Variants in CTIF observed in about 807,000 individuals in gnomAD.
The protein encoded by CTIF is CBP80/20-dependent translation initiation factor.
In CTIF, 21 loss-of-function variants were observed where a neutral mutation model predicts 66.0. The ratio of observed to expected loss-of-function variants is 0.32; its 90% CI spans 0.23 to 0.46. The LOEUF is 0.46. Ranked by LOEUF, CTIF falls within the 20% of genes least tolerant of loss-of-function variation. CTIF has a pLI of 1.00. For synonymous variants in CTIF, 345 were observed against 326.4 expected (o/e 1.06, Z -0.62); for missense variants, 739 against 812.7 (o/e 0.91, Z 1.10).
chr18:48,779,674 G>C (rs1364207516), intron 9 of CTIF, among the ~76,000 whole-genome samples: 1 of 152,222 alleles, frequency 6.6e-6, no homozygotes, highest in African/African-American at 2.4e-5. Flanking sequence ...GCTTGGGTCT[G>C]CTGCCTCCTT....
intron 7 of CTIF, among the ~76,000 whole-genome samples, chr18:48,728,303 G>A (rs1296715948): frequency 6.6e-6 from 1 of 152,090 alleles, no homozygotes; most frequent in Non-Finnish European, 1.5e-5. Flanking sequence ...TCTGGCTCCG[G>A]CCCACTGCCC....
In CTIF at chr18:48,698,104, TAAAAAAAAAAAAAAAA is replaced by T. The variant is rs527429582; in HGVS notation, c.508-13493_508-13478del. Among the ~76,000 whole-genome samples, 67 of 13,066 alleles carry T rather than the reference TAAAAAAAAAAAAAAAA, an allele frequency of 5.1e-3. 1 individual carries two copies. Among genetic ancestry groups the T allele is most frequent in the East Asian group, 6.5e-3 (2 of 310 alleles). The allele number at this position is 13,066 out of a possible 152,430, so 8.6% of individuals were successfully genotyped here. On this transcript the variant is annotated intron_variant, in intron 6 of 11. Transcript: ENST00000256413. The stretch of plus-strand genomic sequence containing the variant: ...ACTCAGTGGAAAATGTAGCCATCAT[TAAAAAAAAAAAAAAAA>T]AAAAAAAAAAAAAAAAAAAAAGCAA...
intron 9 of CTIF, among the ~76,000 whole-genome samples, chr18:48,767,923 T>C (rs1909732283): frequency 6.6e-6 from 1 of 152,114 alleles, no homozygotes; most frequent in Non-Finnish European, 1.5e-5. Flanking sequence ...CAAGATTTTC[T>C]GGCTTGGCTT....
At chr18:48,842,333 T>C (rs142122192) in intron 10 of CTIF, among the ~76,000 whole-genome samples, 24 of 152,166 alleles carry the variant, frequency 1.6e-4, no homozygotes, top group Non-Finnish European at 2.6e-4. Context: ...TTGGCTGCCT[T>C]GAAGCCTGTG....
At chr18:48,657,474 T>C (rs2091263396) in intron 3 of CTIF, among the ~76,000 whole-genome samples, 1 of 152,192 alleles carries the variant, frequency 6.6e-6, no homozygotes, top group Non-Finnish European at 1.5e-5. Flanking sequence ...CTACACTAAA[T>C]TTAAACCACC....
chr18:48,812,421 TC>T (rs2068277232), intron 9 of CTIF, among the ~76,000 whole-genome samples: 3 of 152,216 alleles, frequency 2.0e-5, no homozygotes, highest in African/African-American at 7.2e-5. Flanking sequence ...GACGTTGCCT[TC>T]ATGTCTCTGA....
chr18:48,801,337 C>A (rs1323615572), intron 9 of CTIF, among the ~76,000 whole-genome samples: 1 of 152,218 alleles, frequency 6.6e-6, no homozygotes. Context: ...AAACGTTGGT[C>A]TCCCCCAAGC....
chr18:48,847,297 A>T (rs2042100828), intron 10 of CTIF, among the ~76,000 whole-genome samples: 1 of 138,234 alleles, frequency 7.2e-6, no homozygotes, highest in Admixed American at 7.7e-5. Flanking sequence ...ACAGAGCAAG[A>T]CTCCGTCTCA....
intron 2 of CTIF, among the ~76,000 whole-genome samples, chr18:48,627,951 A>G (rs2090632622): frequency 6.6e-6 from 1 of 152,050 alleles, no homozygotes; most frequent in South Asian, 2.1e-4. Flanking sequence ...AGAATAGGCT[A>G]TGGTAGGGGG....
intron 1 of CTIF, among the ~76,000 whole-genome samples, chr18:48,582,341 G>A (rs1358769504): frequency 6.6e-6 from 1 of 152,130 alleles, no homozygotes; most frequent in East Asian, 1.9e-4. Context: ...TGGGAACAGA[G>A]AAGAAGGGGA....
intron 3 of CTIF, among the ~76,000 whole-genome samples, chr18:48,652,681 A>G (rs993387656): frequency 1.5e-4 from 23 of 152,204 alleles, no homozygotes; most frequent in African/African-American, 5.3e-4. Context: ...CGACAAAAAA[A>G]GAATTTTAGA....
At chr18:48,848,265 C>T (rs1455440938) in intron 10 of CTIF, among the ~76,000 whole-genome samples, 1 of 152,214 alleles carries the variant, frequency 6.6e-6, no homozygotes, top group Non-Finnish European at 1.5e-5. Flanking sequence ...CCCCCCACAG[C>T]CCTGGCTCAT....
intron 6 of CTIF, among the ~76,000 whole-genome samples, chr18:48,681,018 C>T (rs922436818): frequency 1.3e-5 from 2 of 152,218 alleles, no homozygotes; most frequent in Non-Finnish European, 2.9e-5. Flanking sequence ...GGCCTCGGCT[C>T]CCAGGCTGAC....
chr18:48,814,617 A>G (rs980504482), intron 9 of CTIF, among the ~76,000 whole-genome samples: 2 of 152,232 alleles, frequency 1.3e-5, no homozygotes, highest in Non-Finnish European at 2.9e-5. Context: ...ACAAAGGTTC[A>G]TGAGAATGAA....
chr18:48,748,292 T>C (rs1907449356), intron 7 of CTIF, among the ~76,000 whole-genome samples: 1 of 152,054 alleles, frequency 6.6e-6, no homozygotes, highest in South Asian at 2.1e-4. Flanking sequence ...GGTGAGCATG[T>C]GTGCCCCCAG....
At chr18:48,727,642 C>T (rs1031279205) in intron 7 of CTIF, among the ~76,000 whole-genome samples, 5 of 152,208 alleles carry the variant, frequency 3.3e-5, no homozygotes, top group Admixed American at 2.0e-4. Flanking sequence ...CCCTTCTCTC[C>T]GCTGGGCTTC....
chr18:48,753,932 A>C (rs1908084273), intron 7 of CTIF, among the ~76,000 whole-genome samples: 1 of 152,196 alleles, frequency 6.6e-6, no homozygotes, highest in African/African-American at 2.4e-5. Flanking sequence ...CCCTGAATGA[A>C]GGTATCGACG....
rs2092443348 is a variant in CTIF, at chr18:48,730,618, CTCCTGCGGT to C, written c.584+18924_584+18932del. ...TGAGGGGCTTCTGCTGTGTGAGGGG[CTCCTGCGGT>C]GTGAGGGGCCCCTGTGGTGTGAGGG... On this transcript the variant is annotated intron_variant, in intron 7 of 11. Transcript: ENST00000256413. Among the ~76,000 whole-genome samples the C allele has an allele frequency of 1.9e-5, 2 of 105,250 alleles. 1 individual carries two copies. Among genetic ancestry groups the C allele is most frequent in the Non-Finnish European group, 4.2e-5 (2 of 48,156 alleles). 69.0% of individuals were successfully genotyped at this position (105,250 alleles called of 152,430 possible).
chr18:48,827,142 C>G (rs77718827), intron 10 of CTIF, among the ~76,000 whole-genome samples: 4,029 of 152,278 alleles, frequency 0.026, 68 homozygotes, highest in African/African-American at 0.052. Context: ...CTAGTGAATG[C>G]AGGATGACTC....
Sources: allele counts gnomAD v4.1 joint callset (sites outside exome capture counted in the v4.1 genomes callset), GRCh38; gene constraint gnomAD v4.1.1; transcripts MANE v1.5; gene names NCBI Gene and HGNC (gene_info 2026-07-23, HGNC 2026-07-21).